Variants in FBXO31 observed in about 807,000 individuals in gnomAD.
The protein encoded by FBXO31 is F-box only protein 31.
Under a neutral mutation model 54.4 loss-of-function variants are expected in FBXO31, and 24 were observed. That is an observed-to-expected ratio of 0.44 (90% CI 0.32 to 0.62). The LOEUF (loss-of-function observed/expected upper bound fraction) is 0.62, where lower values mean the gene tolerates loss of function less well. Among genes scored for constraint, FBXO31 ranks in the 20% least tolerant of loss-of-function variants. The probability of loss-of-function intolerance (pLI) is 0.05; values close to 1 mark genes in which losing one functional copy is unlikely to be tolerated. For synonymous variants in FBXO31, 388 were observed against 335.6 expected (o/e 1.16, Z -1.71); for missense variants, 665 against 787.1 (o/e 0.84, Z 1.86).
In FBXO31 at chr16:87,355,945, A is replaced by G. The variant is rs188235767; in HGVS notation, c.412+4350T>C. ...GCACATTCCAGAGAAATAGTGAGACAGACATGCGACATGAGGAGCCTCTCA... is the reference window on the plus strand; with the variant it reads ...GCACATTCCAGAGAAATAGTGAGACGGACATGCGACATGAGGAGCCTCTCA... On this transcript the variant is annotated intron_variant, in intron 2 of 8. Transcript: ENST00000311635. Among the ~76,000 whole-genome samples, 332 of 152,346 alleles carry G rather than the reference A, an allele frequency of 2.2e-3. 2 individuals are homozygous for G. Among genetic ancestry groups the G allele is most frequent in the Non-Finnish European group, 3.8e-3 (261 of 68,028 alleles).
At chr16:87,363,489 G>A (rs1056422780) in intron 1 of FBXO31, among the ~76,000 whole-genome samples, 8 of 152,350 alleles carry the variant, frequency 5.3e-5, no homozygotes, top group Middle Eastern at 6.8e-3. Flanking sequence ...GCCTGCCAAG[G>A]AGGACCAAGG....
rs1472326536 is a variant in FBXO31 at position 87,345,065 on chromosome 16, G to A, written c.490-1300C>T. 6.6e-6 allele frequency among the ~76,000 whole-genome samples: 1 copy of A among 152,102 alleles called. No individual in the cohort carries two copies. Among genetic ancestry groups the A allele is most frequent in the Non-Finnish European group, 1.5e-5 (1 of 68,032 alleles). On this transcript the variant is annotated intron_variant, in intron 3 of 8. Transcript: ENST00000311635. The surrounding 1 kb of genome is among the most constrained non-coding windows in gnomAD (Gnocchi z 4.9). ...GCCCAGAGCCACAGAGGAGCCATCT[G>A]CCCAGGGGCCATGCATGCCAGGCCT...
At chr16:87,342,851 A>G (rs1437909945) in intron 5 of FBXO31, 26 bp downstream of exon 5, 1 of 1,581,426 alleles carries the variant, frequency 6.3e-7, no homozygotes, top group Non-Finnish European at 8.6e-7. Context: ...GCACCATATG[A>G]ACACAGGGCC....
At chr16:87,374,380 C>T (rs1906733547) in intron 1 of FBXO31, among the ~76,000 whole-genome samples, 1 of 152,156 alleles carries the variant, frequency 6.6e-6, no homozygotes, top group African/African-American at 2.4e-5. Flanking sequence ...TACAGCTGCG[C>T]AAAATCATCG....
upstream of FBXO31, among the ~76,000 whole-genome samples, chr16:87,390,288 A>C (rs1232963117): frequency 6.6e-6 from 1 of 152,152 alleles, no homozygotes; most frequent in Non-Finnish European, 1.5e-5. Flanking sequence ...CTCAAAAAAC[A>C]AATAAATAAA....
chr16:87,371,883 C>T (rs1485353570), intron 1 of FBXO31, among the ~76,000 whole-genome samples: 1 of 151,738 alleles, frequency 6.6e-6, no homozygotes, highest in Non-Finnish European at 1.5e-5. Flanking sequence ...GCCAGATTCA[C>T]TTTTGTTTTT....
chr16:87,335,257 G>T lies in FBXO31; in HGVS notation c.996+47C>A. 6.2e-7 allele frequency: 1 copy of T among 1,607,664 alleles called. No individual in the cohort carries two copies. Among genetic ancestry groups the T allele is most frequent in the South Asian group, 1.1e-5 (1 of 90,914 alleles). The stretch of plus-strand genomic sequence containing the variant: ...GTTCCCTGACTCCACAGCCCACTTG[G>T]GCCAGGTGCCCCCAGAGCCCCACCA... On this transcript the variant is annotated intron_variant, in intron 7 of 8. Coordinates refer to ENST00000311635, the MANE Select transcript of FBXO31 (RefSeq NM_024735.5). The surrounding 1 kb of genome is among the most constrained non-coding windows in gnomAD (Gnocchi z 5.7).
intron 2 of FBXO31, among the ~76,000 whole-genome samples, chr16:87,349,431 T>A (rs1905540756): frequency 6.6e-6 from 1 of 152,194 alleles, no homozygotes; most frequent in South Asian, 2.1e-4. Context: ...AAATTTCAGC[T>A]GCAGGCTGGG....
intron 5 of FBXO31, among the ~76,000 whole-genome samples, chr16:87,339,071 G>C (rs139618738): frequency 6.6e-6 from 1 of 152,272 alleles, no homozygotes; most frequent in African/African-American, 2.4e-5. Context: ...CAGCCACATG[G>C]AACTGTGAGT....
At chr16:87,343,564 G>A (rs1874061435) in intron 4 of FBXO31, 34 bp downstream of exon 4, 7 of 1,565,310 alleles carry the variant, frequency 4.5e-6, no homozygotes, top group South Asian at 2.3e-5. Context: ...ACAGCCCTGG[G>A]ACAGTGAGGA....
chr16:87,376,650 C>G (rs1184457596), intron 1 of FBXO31, among the ~76,000 whole-genome samples: 1 of 152,190 alleles, frequency 6.6e-6, no homozygotes, highest in Non-Finnish European at 1.5e-5. Context: ...CAAGTTGAAA[C>G]TGGGTGGTAA....
chr16:87,380,115 C>T (rs1014012192), intron 1 of FBXO31, among the ~76,000 whole-genome samples: 2 of 150,840 alleles, frequency 1.3e-5, no homozygotes, highest in African/African-American at 4.9e-5. Context: ...CTGGCCAACA[C>T]GGTGAAACCC....
At chr16:87,360,501 G>A (rs1751482916) in intron 1 of FBXO31, 135 bp from the exon 2 acceptor site, 2 of 700,298 alleles carry the variant, frequency 2.9e-6, no homozygotes, top group Non-Finnish European at 5.1e-6. Flanking sequence ...CTGTCACTGT[G>A]GAGATTTCAC....
intron 2 of FBXO31, among the ~76,000 whole-genome samples, chr16:87,357,981 A>AT (rs1424640217): frequency 6.6e-6 from 1 of 152,154 alleles, no homozygotes; most frequent in Non-Finnish European, 1.5e-5. Flanking sequence ...TGCATATGTG[A>AT]TTTTTAATTC....
chr16:87,336,321 G>A lies in FBXO31; in HGVS notation c.733-57C>T. On this transcript the variant is annotated intron_variant, in intron 5 of 8. Transcript: ENST00000311635. This position sits in a 1 kb window ranked among gnomAD's most constrained non-coding sequence, Gnocchi z 6.5. ...TATGACAGGAGGCTGTGAAGAGGCT[G>A]CCGGCTGTGCCGCTGAGAGGACACA... is the stretch of plus-strand genomic sequence containing the variant. 1 of 1,487,854 alleles carries A rather than the reference G, an allele frequency of 6.7e-7. No individual in the cohort carries two copies. The highest frequency in any genetic ancestry group is 9.3e-7 in the Non-Finnish European group (1 of 1,070,428). The allele number at this position is 1,487,854 out of a possible 1,614,324, so 92.2% of individuals were successfully genotyped here.
intron 8 of FBXO31, among the ~76,000 whole-genome samples, chr16:87,332,458 T>C (rs1310778765): frequency 6.6e-6 from 1 of 152,234 alleles, no homozygotes; most frequent in African/African-American, 2.4e-5. Flanking sequence ...CTGTGAGGTA[T>C]TAGGAGTTCT....
At position 87,333,967 on chromosome 16, in the gene FBXO31, T is replaced by C; in HGVS notation, c.1316A>G (p.Gln439Arg). 1 of 1,612,690 alleles carries C rather than the reference T, an allele frequency of 6.2e-7. No homozygotes were observed. Among genetic ancestry groups the C allele is most frequent in the Non-Finnish European group, 8.5e-7 (1 of 1,179,802 alleles). ...CACGAACGGCTGCCCCTGCCCACAC[T>C]GGGCAGGCTGCTCGGCCGCAGCTAC... ...DAVAAAEQPA[Q>R]CGQGQPFVLP... The change falls in exon 8 of 9, where the codon CAG (glutamine) becomes CGG (arginine). Residue 439 changes from glutamine (Q) to arginine (R), a missense_variant. Gln to Arg is a conservative substitution (Grantham distance 43). This residue lies in a region of FBXO31 where 165 missense variants were observed against 159.7 expected (regional missense o/e 1.03). Coordinates refer to ENST00000311635, the MANE Select transcript of FBXO31 (RefSeq NM_024735.5).
In FBXO31 at chr16:87,342,949, A is replaced by T. The variant is rs754452319; in HGVS notation, c.660T>A (p.Ile220=). The change falls in exon 5 of 9, where the codon ATT becomes ATA. Residue 220 remains isoleucine (I), a splice_region_variant and synonymous_variant. Transcript: ENST00000311635. ...HKGPHHGHIQ[I]VKKDEFSTKC... ...TGGTGGAGAACTCATCCTTCTTCAC[A>T]ATCTTCAGTGTTTGCAACACAAGGA... 6.2e-6 allele frequency: 10 copies of T among 1,606,306 alleles called. No individual in the cohort carries two copies. In the African/African-American group the frequency reaches 1.2e-4, roughly 19 times the overall value.
intron 2 of FBXO31, among the ~76,000 whole-genome samples, chr16:87,357,881 C>A (rs1341341644): frequency 1.4e-5 from 2 of 143,412 alleles, no homozygotes; most frequent in Non-Finnish European, 2.9e-5. Context: ...TGTGACACTG[C>A]ACTCCAGCTT....
Sources: allele counts gnomAD v4.1 joint callset (sites outside exome capture counted in the v4.1 genomes callset), GRCh38; gene constraint gnomAD v4.1.1; regional missense constraint gnomAD v4.1.1; non-coding constraint Gnocchi (gnomAD v3.1); transcripts MANE v1.5; gene names NCBI Gene and HGNC (gene_info 2026-07-23, HGNC 2026-07-21).